Variants in CTR9 observed in about 807,000 individuals in gnomAD.
CTR9 encodes RNA polymerase-associated protein CTR9 homolog.
CTR9 carries 41 observed loss-of-function variants against 152.1 expected under a neutral mutation model. The ratio of observed to expected loss-of-function variants is 0.27; its 90% CI spans 0.21 to 0.35. CTR9 has a LOEUF of 0.35. Among genes scored for constraint, CTR9 ranks in the 10% least tolerant of loss-of-function variants. The pLI is 1.00. For missense variants in CTR9, 917 were observed against 1,424.4 expected, an observed-to-expected ratio of 0.64 and a Z score of 5.73; for synonymous variants, 476 against 496.2, an observed-to-expected ratio of 0.96 and a Z score of 0.54.
intron 3 of CTR9, 69 bp downstream of exon 3, chr11:10,755,266 A>C (rs1005757012): frequency 1.5e-5 from 23 of 1,511,980 alleles, no homozygotes; most frequent in Admixed American, 2.2e-5. Flanking sequence ...AATGTGTGTG[A>C]TAGCAGATTT....
At chr11:10,756,465 C>T (rs1168867211) in intron 4 of CTR9, among the ~76,000 whole-genome samples, 3 of 152,182 alleles carry the variant, frequency 2.0e-5, no homozygotes, top group African/African-American at 7.2e-5. Context: ...CATGTGTTCT[C>T]ATCATTTAGC....
intron 2 of CTR9, among the ~76,000 whole-genome samples, chr11:10,754,532 T>C (rs762296732): frequency 6.6e-6 from 1 of 152,200 alleles, no homozygotes; most frequent in Non-Finnish European, 1.5e-5. Flanking sequence ...ATGAATACAT[T>C]CATCACCTTC....
rs200698033 is a variant in CTR9, at chr11:10,778,775, C to T, written c.3192C>T (p.Asn1064=). 5 of 1,614,162 alleles carry T rather than the reference C, an allele frequency of 3.1e-6. No homozygotes were observed. The highest frequency in any genetic ancestry group is 4.2e-6 in the Non-Finnish European group (5 of 1,180,036). Residue 1064 remains asparagine, a synonymous_variant, in exon 25 of 25, where the codon AAC becomes AAT. Coordinates refer to ENST00000361367, the MANE Select transcript of CTR9 (RefSeq NM_014633.5). ...AGAGTGATTCCGATGAGAACCAGAA[C>T]AAGTCTGGCAGCGAGGCCGGCAGTC... ...SSESDSDENQ[N]KSGSEAGSPR...
intron 6 of CTR9, among the ~76,000 whole-genome samples, chr11:10,761,423 G>A (rs1038496738): frequency 6.6e-6 from 1 of 152,018 alleles, no homozygotes; most frequent in African/African-American, 2.4e-5. Context: ...TCAGTCACAC[G>A]AAGAAAACAG....
chr11:10,752,010 A>G (rs1466339000), intron 1 of CTR9, among the ~76,000 whole-genome samples: 12 of 151,968 alleles, frequency 7.9e-5, no homozygotes, highest in African/African-American at 1.7e-4. Flanking sequence ...TCGCTTACCT[A>G]TGTCTCATTC....
In CTR9 at chr11:10,774,138, G is replaced by T; in HGVS notation, c.2854G>T (p.Gly952Cys). The change falls in exon 22 of 25, where the codon GGT becomes TGT. Residue 952 changes from glycine (G) to cysteine (C), a missense_variant. By Grantham distance (159) the Gly-to-Cys change is radical. Around this residue, in one of 9 missense-constraint regions of CTR9, gnomAD observed 384 missense variants for 398.4 expected, o/e 0.96. Transcript: ENST00000361367. Reference protein sequence around the residue: ...GSEQEGEDEEGGERKKKKRRR... With the variant: ...GSEQEGEDEECGERKKKKRRR... ...TGAACAAGAAGGTGAAGATGAGGAG[G>T]GTGGTGAGAGAAAGAAGAAAAAGAG... The T allele has an allele frequency of 1.9e-6, 3 of 1,601,890 alleles. No individual in the cohort carries two copies. The highest frequency in any genetic ancestry group is 2.6e-6 in the Non-Finnish European group (3 of 1,170,450).
rs1471593393 is a variant in CTR9, at chr11:10,775,759, G to A, written c.3095+126G>A. ...TTTTTCTTTATAAATAATAAGAGGG[G>A]TGGGGACAGACTTGAAAATTGGAGG... On this transcript the variant is annotated intron_variant, in intron 24 of 24. Coordinates refer to ENST00000361367, the MANE Select transcript of CTR9 (RefSeq NM_014633.5). 8.4e-6 allele frequency: 5 copies of A among 594,494 alleles called. No individual in the cohort carries two copies. The South Asian group carries it at 1.1e-4, about 13-fold the overall frequency. The allele number at this position is 594,494 out of a possible 1,614,324, so 36.8% of individuals were successfully genotyped here. A position where few individuals can be genotyped will look rare whatever the true frequency, so the allele number is the denominator to read the frequency against.
chr11:10,762,237 A>G (rs1157903807), intron 7 of CTR9, among the ~76,000 whole-genome samples, 183 bp downstream of exon 7: 1 of 152,132 alleles, frequency 6.6e-6, no homozygotes, highest in Non-Finnish European at 1.5e-5. Flanking sequence ...TTATTTGCTT[A>G]ATATTTATTG....
chr11:10,755,287 T>A (rs1398408774), intron 3 of CTR9, 90 bp downstream of exon 3: 1 of 1,412,210 alleles, frequency 7.1e-7, no homozygotes, highest in Admixed American at 2.2e-5. Context: ...TTTGAAAGAG[T>A]TTTTCTTCAA....
intron 12 of CTR9, among the ~76,000 whole-genome samples, chr11:10,765,134 A>G (rs920445018): frequency 1.1e-4 from 17 of 152,206 alleles, no homozygotes; most frequent in African/African-American, 4.1e-4. Context: ...AAAATGTCCT[A>G]ATTTGAGTTT....
chr11:10,768,503 T>C lies in CTR9; in HGVS notation c.2109+12T>C, dbSNP rs1262216485. ...GCGCCGTTCAGATGGTAATAGCTTC[T>C]CTTTCAAGATATTTTTATATCTTGT... On this transcript the variant is annotated intron_variant, in intron 16 of 24. Transcript: ENST00000361367. 1.3e-6 allele frequency: 2 copies of C among 1,579,224 alleles called. No individual in the cohort carries two copies. Among genetic ancestry groups the C allele is most frequent in the East Asian group, 4.5e-5 (2 of 44,444 alleles).
In CTR9 at chr11:10,763,935, A is replaced by G. The variant is rs200254511; in HGVS notation, c.1194+56A>G. ...TTCTGTTAGCTGTCCCAAAACTCCC[A>G]TTTCTCATTTCCTGTTATTGCTAGT... On this transcript the variant is annotated intron_variant, in intron 9 of 24. Coordinates refer to ENST00000361367, the MANE Select transcript of CTR9 (RefSeq NM_014633.5). 2.7e-3 allele frequency: 3,751 copies of G among 1,405,842 alleles called. 16 individuals carry two copies. The highest frequency in any genetic ancestry group is 2.8e-3 in the Non-Finnish European group (2,814 of 1,019,976). The allele number at this position is 1,405,842 out of a possible 1,614,324, so 87.1% of individuals were successfully genotyped here.
At chr11:10,754,569 A>G (rs1300430255) in intron 2 of CTR9, among the ~76,000 whole-genome samples, 1 of 152,126 alleles carries the variant, frequency 6.6e-6, no homozygotes, top group Non-Finnish European at 1.5e-5. Context: ...ACCACTCCCC[A>G]CAAGTCCCCC....
rs761296011 is a variant in CTR9, at chr11:10,760,249, A to G, written c.669A>G (p.Arg223=). The part of the protein sequence containing the change: ...KLEKARLAFS[R]ALELNSKCVG... ...AAAAAGCTCGTCTGGCATTCAGCAG[A>G]GCCCTGGAACTCAATTCCAAATGCG... Residue 223 remains arginine (R), a synonymous_variant, in exon 6 of 25, where the codon AGA becomes AGG. Coordinates refer to ENST00000361367, the MANE Select transcript of CTR9 (RefSeq NM_014633.5). 34 of 1,614,140 alleles carry G rather than the reference A, an allele frequency of 2.1e-5. No individual in the cohort carries two copies. The South Asian group carries it at 3.4e-4, about 16-fold the overall frequency.
Position 10,768,116 on chromosome 11 carries a change from G to A in CTR9, c.1915G>A (p.Val639Ile), listed in dbSNP as rs1863087626. Residue 639 changes from valine (V) to isoleucine (I), a missense_variant, in exon 15 of 25, where the codon GTA becomes ATA. Around this residue, in one of 9 missense-constraint regions of CTR9, gnomAD observed 87 missense variants for 235.7 expected, o/e 0.37. Transcript: ENST00000361367. ...QDRALAIYKQ[V>I]LRNDAKNLYA... ...TCGTGCTCTGGCCATCTACAAACAAGTACTCAGAAATGATGCAAAGAATCT... is the reference window on the plus strand; with the variant it reads ...TCGTGCTCTGGCCATCTACAAACAAATACTCAGAAATGATGCAAAGAATCT... The A allele has an allele frequency of 3.7e-6, 6 of 1,613,894 alleles. No homozygotes were observed. The highest frequency in any genetic ancestry group is 1.3e-5 in the African/African-American group (1 of 74,922).
At chr11:10,775,682 A>C (rs2135385792) in intron 24 of CTR9, 49 bp downstream of exon 24, 2 of 1,256,528 alleles carry the variant, frequency 1.6e-6, no homozygotes, top group Non-Finnish European at 2.3e-6. Context: ...AGATAAATCA[A>C]AAGTGATTAC....
Position 10,770,609 on chromosome 11 carries a change from G to A in CTR9, c.2349G>A (p.Val783=). 6.2e-7 allele frequency: 1 copy of A among 1,611,374 alleles called. No individual in the cohort carries two copies. Among genetic ancestry groups the A allele is most frequent in the Non-Finnish European group, 8.5e-7 (1 of 1,179,416 alleles). The change falls in exon 18 of 25, where the codon GTG becomes GTA. Residue 783 remains valine (V), a synonymous_variant. Transcript: ENST00000361367. The part of the protein sequence containing the change: ...KSNLKEVLNA[V]KELELAHRYF... ...ATCTGAAGGAAGTACTTAATGCTGTGAAAGAACTGGAGCTTGCACATAGGT... is the reference window on the plus strand; with the variant it reads ...ATCTGAAGGAAGTACTTAATGCTGTAAAAGAACTGGAGCTTGCACATAGGT...
chr11:10,772,800 G>T, intron 20 of CTR9, 145 bp downstream of exon 20: 1 of 861,270 alleles, frequency 1.2e-6, no homozygotes, highest in South Asian at 2.0e-5. Flanking sequence ...TGGGTGGAGG[G>T]CGGATCACTT....
chr11:10,753,447 G>C (rs1054677803), intron 2 of CTR9, among the ~76,000 whole-genome samples: 1 of 151,966 alleles, frequency 6.6e-6, no homozygotes, highest in East Asian at 1.9e-4. Context: ...TACAGAAGAG[G>C]CTCCTAATAT....
Sources: gnomAD v4.1 joint callset for allele counts (sites outside exome capture counted in the v4.1 genomes callset) on GRCh38, gnomAD v4.1.1 for gene constraint, gnomAD v4.1.1 regional missense constraint, MANE v1.5 for transcripts, NCBI Gene and HGNC (gene_info 2026-07-23, HGNC 2026-07-21) for gene names.